TANGO6: variants seen among roughly 807,000 people sequenced by gnomAD.
The protein encoded by TANGO6 is transport and Golgi organization protein 6 homolog.
A neutral mutation model predicts 114.2 loss-of-function variants in TANGO6; 90 were observed. The observed-to-expected ratio is 0.79, with a 90% CI of 0.66 to 0.94. TANGO6 has a LOEUF of 0.94. TANGO6 is among the 40% of genes least tolerant of loss of function. TANGO6 has a pLI of 0.00. For missense variants in TANGO6, 1,274 were observed against 1,315.3 expected (o/e 0.97, Z 0.49); for synonymous variants, 477 against 509.8 (o/e 0.94, Z 0.87).
chr16:68,845,875 C>CA (rs1415043474), intron 1 of TANGO6, among the ~76,000 whole-genome samples: 1 of 151,370 alleles, frequency 6.6e-6, no homozygotes, highest in Non-Finnish European at 1.5e-5. Context: ...TTTTTTGAGA[C>CA]AGAGTTTCAC....
In TANGO6 at chr16:68,927,837, G is replaced by A. The variant is rs1051969427; in HGVS notation, c.2397G>A (p.Gln799=). 3.1e-6 allele frequency: 5 copies of A among 1,613,900 alleles called. No homozygotes were observed. The African/African-American group carries it at 4.0e-5, about 13-fold the overall frequency. The change falls in exon 13 of 18, where the codon CAG becomes CAA. Residue 799 remains glutamine, a synonymous_variant. Coordinates refer to ENST00000261778, the MANE Select transcript of TANGO6 (RefSeq NM_024562.2). The part of the protein sequence containing the change: ...DVAHSHLEQQ[Q]SHETAPQTGL... ...CTCATAGCCACCTTGAACAACAGCA[G>A]AGCCATGAGACAGCCCCCCAGACAG...
intron 7 of TANGO6, among the ~76,000 whole-genome samples, chr16:68,893,482 G>A (rs183904913): frequency 6.6e-6 from 1 of 152,268 alleles, no homozygotes; most frequent in African/African-American, 2.4e-5. Context: ...GCTCATGCCT[G>A]TAATCCCAGC....
intron 14 of TANGO6, among the ~76,000 whole-genome samples, chr16:68,940,302 C>T (rs1016900065): frequency 6.6e-6 from 1 of 151,920 alleles, no homozygotes; most frequent in Non-Finnish European, 1.5e-5. Context: ...CCCTCTGCCT[C>T]GGCCTCTCAA....
At chr16:68,999,071 A>G (rs1306967596) in intron 15 of TANGO6, among the ~76,000 whole-genome samples, 1 of 152,016 alleles carries the variant, frequency 6.6e-6, no homozygotes, top group African/African-American at 2.4e-5. Context: ...TTTAGAAAAG[A>G]CAGGGTTTTG....
At chr16:69,070,796 G>A (rs559810146) in intron 17 of TANGO6, among the ~76,000 whole-genome samples, 3 of 146,954 alleles carry the variant, frequency 2.0e-5, no homozygotes, top group Non-Finnish European at 3.0e-5. Context: ...TTTCTGAGAC[G>A]GAATTTCGCT....
At chr16:68,980,899 G>A (rs945320416) in intron 15 of TANGO6, among the ~76,000 whole-genome samples, 9 of 151,806 alleles carry the variant, frequency 5.9e-5, no homozygotes, top group South Asian at 2.1e-4. Context: ...GGAAGCTGAC[G>A]CAGGAGAATC....
intron 17 of TANGO6, among the ~76,000 whole-genome samples, chr16:69,063,670 A>G (rs1256619419): frequency 6.8e-6 from 1 of 146,986 alleles, no homozygotes. Context: ...AAAAAAAAAA[A>G]CAAAGTTCTT....
intron 1 of TANGO6, among the ~76,000 whole-genome samples, chr16:68,857,065 C>T (rs921703918): frequency 6.6e-6 from 1 of 152,206 alleles, no homozygotes; most frequent in African/African-American, 2.4e-5. Flanking sequence ...GCCAAGATCG[C>T]ACCGCTGCAC....
At chr16:69,071,593 G>A (rs890702674) in intron 17 of TANGO6, among the ~76,000 whole-genome samples, 6 of 152,134 alleles carry the variant, frequency 3.9e-5, no homozygotes, top group African/African-American at 9.7e-5. Flanking sequence ...ACTCATTACC[G>A]TCTTTACTCA....
chr16:68,906,356 T>G (rs1024817101), intron 9 of TANGO6, among the ~76,000 whole-genome samples: 1 of 152,186 alleles, frequency 6.6e-6, no homozygotes, highest in South Asian at 2.1e-4. Context: ...CCTCCCATGA[T>G]GATCACATCT....
chr16:68,896,546 A>G (rs1282930539), intron 7 of TANGO6, among the ~76,000 whole-genome samples: 1 of 151,702 alleles, frequency 6.6e-6, no homozygotes, highest in African/African-American at 2.4e-5. Context: ...CCTGGGCACA[A>G]GTGATCTTCC....
At chr16:68,962,987 G>A (rs1197119283) in intron 14 of TANGO6, among the ~76,000 whole-genome samples, 2 of 148,710 alleles carry the variant, frequency 1.3e-5, no homozygotes, top group African/African-American at 5.0e-5. Flanking sequence ...CCAGTCACTC[G>A]GGAGGCTGAG....
At chr16:68,852,923 A>G (rs774818503) in intron 1 of TANGO6, among the ~76,000 whole-genome samples, 3 of 152,150 alleles carry the variant, frequency 2.0e-5, no homozygotes, top group Non-Finnish European at 4.4e-5. Context: ...ACATTTTATT[A>G]TATTTGCTTG....
At chr16:68,985,391 G>A (rs547506506) in intron 15 of TANGO6, among the ~76,000 whole-genome samples, 1 of 152,254 alleles carries the variant, frequency 6.6e-6, no homozygotes, top group Non-Finnish European at 1.5e-5. Context: ...TACAAGGGAA[G>A]TTATTAGGTC....
rs953877526 is a variant in TANGO6, at chr16:69,036,196, T to C, written c.2995-4112T>C. 1.3e-4 allele frequency among the ~76,000 whole-genome samples: 20 copies of C among 152,218 alleles called. No homozygotes were observed. In the South Asian group the frequency reaches 1.5e-3, roughly 11 times the overall value. ...GTCGTTGGGGTTGGAGGTGAGAGAC[T>C]AGCCGTGAAGTGACTTTTCCAGCCT... On this transcript the variant is annotated intron_variant, in intron 16 of 17. Coordinates refer to ENST00000261778, the MANE Select transcript of TANGO6 (RefSeq NM_024562.2).
intron 4 of TANGO6, among the ~76,000 whole-genome samples, chr16:68,873,771 T>C (rs1364577949): frequency 6.6e-6 from 1 of 152,242 alleles, no homozygotes; most frequent in Non-Finnish European, 1.5e-5. Context: ...ATTTTTATAT[T>C]CCTTAGTTGG....
chr16:68,995,095 G>A (rs755482410), intron 15 of TANGO6, among the ~76,000 whole-genome samples: 29 of 151,990 alleles, frequency 1.9e-4, no homozygotes, highest in Non-Finnish European at 4.3e-4. Context: ...TGTCCCACAG[G>A]GATCTTCTCA....
intron 16 of TANGO6, among the ~76,000 whole-genome samples, chr16:69,025,500 G>C (rs1959485976): frequency 6.6e-6 from 1 of 152,170 alleles, no homozygotes; most frequent in Non-Finnish European, 1.5e-5. Flanking sequence ...CCACTCAAAG[G>C]CGGGCCCCAC....
intron 15 of TANGO6, among the ~76,000 whole-genome samples, chr16:68,993,565 T>G (rs1963964168): frequency 6.6e-6 from 1 of 152,214 alleles, no homozygotes; most frequent in Admixed American, 6.5e-5. Flanking sequence ...TAGTAGGAAT[T>G]GATTCATAGC....
Sources: allele counts gnomAD v4.1 joint callset (sites outside exome capture counted in the v4.1 genomes callset), GRCh38; gene constraint gnomAD v4.1.1; transcripts MANE v1.5; gene names NCBI Gene and HGNC (gene_info 2026-07-23, HGNC 2026-07-21).